The following PLPPR1 variants were observed in gnomAD, a reference collection of about 807,000 sequenced individuals.
PLPPR1 encodes phospholipid phosphatase-related protein type 1.
Under a neutral mutation model 33.1 loss-of-function variants are expected in PLPPR1, and 10 were observed. The observed-to-expected ratio is 0.30, with a 90% CI of 0.19 to 0.51. The LOEUF (loss-of-function observed/expected upper bound fraction) is 0.51. Ranked by LOEUF, PLPPR1 falls within the 20% of genes least tolerant of loss-of-function variation. The pLI is 0.97. For synonymous variants in PLPPR1, 151 were observed against 151.0 expected, an observed-to-expected ratio of 1.00 and a Z score of 0.00; for missense variants, 304 against 408.1, an observed-to-expected ratio of 0.74 and a Z score of 2.20.
chr9:101,212,821 T>C (rs549218248), intron 2 of PLPPR1, among the ~76,000 whole-genome samples: 1 of 152,300 alleles, frequency 6.6e-6, no homozygotes, highest in Non-Finnish European at 1.5e-5. Flanking sequence ...ATGTTGTCAG[T>C]TGTAACACGT....
intron 2 of PLPPR1, among the ~76,000 whole-genome samples, chr9:101,202,762 G>A (rs1826516574): frequency 1.3e-5 from 2 of 152,190 alleles, no homozygotes; most frequent in African/African-American, 4.8e-5. Context: ...TCCCAGCTGA[G>A]GGGCAAGAAA....
intron 1 of PLPPR1, among the ~76,000 whole-genome samples, chr9:101,143,003 T>A (rs1831473576): frequency 1.4e-5 from 2 of 146,490 alleles, no homozygotes; most frequent in South Asian, 4.2e-4. Flanking sequence ...GTTCAGTGAT[T>A]TTTTTTTTTC....
intron 3 of PLPPR1, among the ~76,000 whole-genome samples, chr9:101,270,453 A>G (rs997423277): frequency 1.3e-5 from 2 of 152,180 alleles, no homozygotes; most frequent in African/African-American, 4.8e-5. Flanking sequence ...ATAATGGCTG[A>G]GATTAGAGTA....
At chr9:101,293,350 A>C (rs1342419881) in intron 4 of PLPPR1, among the ~76,000 whole-genome samples, 1 of 151,916 alleles carries the variant, frequency 6.6e-6, no homozygotes, top group Non-Finnish European at 1.5e-5. Flanking sequence ...ACACAATAAT[A>C]ATGGGAGACT....
intron 2 of PLPPR1, among the ~76,000 whole-genome samples, chr9:101,208,730 T>C (rs1170419085): frequency 1.3e-5 from 2 of 152,236 alleles, no homozygotes; most frequent in Non-Finnish European, 2.9e-5. Flanking sequence ...ACATTTATAA[T>C]GGAGCCTTTG....
chr9:101,274,768 C>T (rs888277470), intron 3 of PLPPR1, among the ~76,000 whole-genome samples: 5 of 152,128 alleles, frequency 3.3e-5, no homozygotes, highest in African/African-American at 1.2e-4. Context: ...ATGCAGTCAT[C>T]TTTTCCCAGG....
chr9:101,221,394 G>A (rs72741479), intron 2 of PLPPR1, among the ~76,000 whole-genome samples: 3,277 of 152,270 alleles, frequency 0.022, 42 homozygotes, highest in Middle Eastern at 0.068. Flanking sequence ...ACCCAGATCC[G>A]TGGGTCCTAC....
At chr9:101,270,672 A>G (rs1408922666) in intron 3 of PLPPR1, among the ~76,000 whole-genome samples, 1 of 152,238 alleles carries the variant, frequency 6.6e-6, no homozygotes, top group African/African-American at 2.4e-5. Context: ...TGGGCCACAC[A>G]GTCCTCTACA....
chr9:101,124,687 G>A lies in PLPPR1; in HGVS notation c.-45-60763G>A, dbSNP rs140648403. ...CCTTCAATTCACACCGTACAGGTGG[G>A]CCCACTAGATGCTGTGGCTCAGGAT... On this transcript the variant is annotated intron_variant, in intron 1 of 7. Coordinates refer to ENST00000374874, the MANE Select transcript of PLPPR1 (RefSeq NM_207299.2). 9.7e-3 allele frequency among the ~76,000 whole-genome samples: 1,483 copies of A among 152,262 alleles called. 20 individuals carry two copies. Among genetic ancestry groups the A allele is most frequent in the African/African-American group, 0.034 (1,394 of 41,538 alleles).
At chr9:101,120,428 A>G (rs1831164917) in intron 1 of PLPPR1, among the ~76,000 whole-genome samples, 1 of 152,196 alleles carries the variant, frequency 6.6e-6, no homozygotes, top group Non-Finnish European at 1.5e-5. Flanking sequence ...TGTATCATCT[A>G]TATTTATTAC....
intron 3 of PLPPR1, among the ~76,000 whole-genome samples, chr9:101,279,359 A>G (rs1392829799): frequency 6.6e-6 from 1 of 152,220 alleles, no homozygotes; most frequent in Non-Finnish European, 1.5e-5. Flanking sequence ...AGCCAGAGAG[A>G]TAGACCTCAA....
chr9:101,113,649 A>C (rs1171265989), intron 1 of PLPPR1, among the ~76,000 whole-genome samples: 1 of 152,162 alleles, frequency 6.6e-6, no homozygotes, highest in Non-Finnish European at 1.5e-5. Flanking sequence ...CAAAAAACAA[A>C]AAACAAAAAA....
intron 1 of PLPPR1, among the ~76,000 whole-genome samples, chr9:101,089,078 T>A (rs771261135): frequency 6.6e-6 from 1 of 152,170 alleles, no homozygotes; most frequent in African/African-American, 2.4e-5. Flanking sequence ...AAGCTAATTC[T>A]AGGAGACTGG....
intron 2 of PLPPR1, among the ~76,000 whole-genome samples, chr9:101,237,837 G>GA: frequency 2.9e-5 from 1 of 35,060 alleles, no homozygotes; most frequent in Non-Finnish European, 4.8e-5. Flanking sequence ...ATATATATAT[G>GA]CTATATATGT....
intron 1 of PLPPR1, among the ~76,000 whole-genome samples, chr9:101,101,535 A>AAG (rs1554726036): frequency 1.1e-3 from 158 of 150,130 alleles, no homozygotes; most frequent in African/African-American, 2.8e-3. Flanking sequence ...AAAAAAAAAA[A>AAG]GAAACAATAA....
chr9:101,323,901 TA>T (rs1829202569), intron 7 of PLPPR1, 123 bp from the exon 8 acceptor site: 2 of 638,124 alleles, frequency 3.1e-6, no homozygotes, highest in East Asian at 5.7e-5. Flanking sequence ...AAAAGCATAT[TA>T]GGGGGACGGA....
At chr9:101,122,998 C>A (rs1003383548) in intron 1 of PLPPR1, among the ~76,000 whole-genome samples, 1 of 152,152 alleles carries the variant, frequency 6.6e-6, no homozygotes, top group Admixed American at 6.5e-5. Context: ...TTCCCTTAGA[C>A]CTGAATGTAA....
intron 1 of PLPPR1, among the ~76,000 whole-genome samples, chr9:101,037,136 C>T (rs941909836): frequency 3.9e-5 from 6 of 152,234 alleles, no homozygotes; most frequent in Middle Eastern, 3.4e-3. Flanking sequence ...AGCTCCACAT[C>T]GTGCTGTTAT....
At chr9:101,154,048 C>T (rs1032060805) in intron 1 of PLPPR1, among the ~76,000 whole-genome samples, 3 of 152,094 alleles carry the variant, frequency 2.0e-5, no homozygotes, top group Non-Finnish European at 4.4e-5. Context: ...CTTTGCATCC[C>T]TGGGATGAAG....
Sources: gnomAD v4.1 joint callset for allele counts (sites outside exome capture counted in the v4.1 genomes callset) on GRCh38, gnomAD v4.1.1 for gene constraint, MANE v1.5 for transcripts, NCBI Gene and HGNC (gene_info 2026-07-23, HGNC 2026-07-21) for gene names.